BEAN1: variants seen among roughly 807,000 people sequenced by gnomAD.
BEAN1 encodes brain expressed associated with NEDD4 1, also known as protein BEAN1.
Under a neutral mutation model 17.7 loss-of-function variants are expected in BEAN1, and 17 were observed. The observed-to-expected ratio is 0.96, with a 90% confidence interval of 0.66 to 1.44. The LOEUF is 1.44. Among genes scored for constraint, BEAN1 ranks in the 40% most tolerant of loss-of-function variants. BEAN1 has a pLI of 0.00. For missense variants in BEAN1, 359 were observed against 374.1 expected, an observed-to-expected ratio of 0.96 and a Z score of 0.33; for synonymous variants, 142 against 151.8, an observed-to-expected ratio of 0.94 and a Z score of 0.47.
intron 2 of BEAN1, among the ~76,000 whole-genome samples, chr16:66,457,604 C>T (rs1256149258): frequency 6.6e-6 from 1 of 152,186 alleles, no homozygotes; most frequent in East Asian, 1.9e-4. Flanking sequence ...CCTCTGTGTT[C>T]CTGCCCATGC....
At chr16:66,486,453 C>G (rs1964090416), downstream of BEAN1, among the ~76,000 whole-genome samples, 1 of 152,146 alleles carries the variant, frequency 6.6e-6, no homozygotes, top group South Asian at 2.1e-4. Context: ...CGGGGTCTCA[C>G]CATGTTGGCC....
chr16:66,494,516 T>C (rs1238526054), downstream of BEAN1, among the ~76,000 whole-genome samples: 1 of 152,184 alleles, frequency 6.6e-6, no homozygotes, highest in African/African-American at 2.4e-5. Flanking sequence ...GTCCTCTTCA[T>C]GTCCCAGTTC....
chr16:66,431,931 C>T (rs759434775), intron 1 of BEAN1, among the ~76,000 whole-genome samples: 5 of 151,964 alleles, frequency 3.3e-5, no homozygotes, highest in Non-Finnish European at 5.9e-5. Flanking sequence ...CTCAGTCTCC[C>T]GAGTAGCTGG....
At chr16:66,495,191 C>G (rs1397342015), downstream of BEAN1, among the ~76,000 whole-genome samples, 1 of 152,156 alleles carries the variant, frequency 6.6e-6, no homozygotes, top group Admixed American at 6.5e-5. Flanking sequence ...CCTAAAACAG[C>G]CCCTACACAG....
In BEAN1 at chr16:66,469,814, C is replaced by T. The variant is rs1443273987; in HGVS notation, c.238C>T (p.His80Tyr). The change falls in exon 3 of 5, where the codon CAC (histidine) becomes TAC (tyrosine). Residue 80 changes from histidine to tyrosine, a missense_variant. Transcript: ENST00000536005. ...CCACCGCCACCACCGCCACCACCAC[C>T]ACCATCATCACCACCGCCGGCGTCG... Reference protein sequence around the residue: ...HRHRHHRHHHHHHHHRRRRHR... With the variant: ...HRHRHHRHHHYHHHHRRRRHR... The T allele has an allele frequency of 1.3e-6, 2 of 1,535,800 alleles. No individual in the cohort carries two copies. The highest frequency in any genetic ancestry group is 4.9e-5 in the East Asian group (2 of 40,904).
chr16:66,481,864 C>G lies in BEAN1; in HGVS notation c.*939C>G, dbSNP rs192445317. The G allele has an allele frequency of 6.6e-6, 1 of 152,482 alleles. No homozygotes were observed. Among genetic ancestry groups the G allele is most frequent in the African/African-American group, 2.4e-5 (1 of 41,462 alleles). 9.4% of individuals were successfully genotyped at this position (152,482 alleles called of 1,614,324 possible). On this transcript the variant is annotated 3_prime_UTR_variant, in exon 5 of 5. Coordinates refer to ENST00000536005, the MANE Select transcript of BEAN1 (RefSeq NM_001178020.3). This position sits in a 1 kb window ranked among gnomAD's most constrained non-coding sequence, Gnocchi z 4.1. ...GCCTGGCCGACCACTGTGGCCTGCA[C>G]GCGAATGGGTCAGAGCCAGACCCCG...
At chr16:66,428,176 C>G (rs753599611) in intron 1 of BEAN1, 1 of 152,620 alleles carries the variant, frequency 6.6e-6, no homozygotes, top group African/African-American at 2.4e-5. Context: ...GGGGCAGGGC[C>G]CACCCCACAC....
chr16:66,468,927 C>G (rs1219395543), intron 2 of BEAN1, among the ~76,000 whole-genome samples: 1 of 152,160 alleles, frequency 6.6e-6, no homozygotes, highest in African/African-American at 2.4e-5. Flanking sequence ...CTGCACTCTC[C>G]CCTTGCTCCC....
intron 2 of BEAN1, among the ~76,000 whole-genome samples, chr16:66,450,160 C>T (rs921399231): frequency 6.6e-5 from 10 of 152,152 alleles, no homozygotes; most frequent in African/African-American, 2.4e-4. Flanking sequence ...GTTTCTCCTG[C>T]AGTGGGGCTT....
chr16:66,467,362 C>T (rs138342964), intron 2 of BEAN1, among the ~76,000 whole-genome samples: 1 of 152,176 alleles, frequency 6.6e-6, no homozygotes, highest in East Asian at 1.9e-4. Context: ...CTGGAGAGGC[C>T]TCAAGAAACA....
intron 2 of BEAN1, among the ~76,000 whole-genome samples, chr16:66,454,729 C>CTTTTTTTTTTTT (rs538469751): frequency 4.7e-4 from 39 of 83,648 alleles, no homozygotes; most frequent in East Asian, 1.4e-3. Context: ...TTCTTTCTTT[C>CTTTTTTTTTTTT]TTTTTTTTTT....
intron 2 of BEAN1, among the ~76,000 whole-genome samples, chr16:66,441,323 A>G (rs971313919): frequency 5.9e-5 from 9 of 152,156 alleles, no homozygotes; most frequent in African/African-American, 2.2e-4. Flanking sequence ...AGACCCCCCA[A>G]AACAGACATA....
At chr16:66,494,471 C>G (rs568297753), downstream of BEAN1, among the ~76,000 whole-genome samples, 1 of 152,084 alleles carries the variant, frequency 6.6e-6, no homozygotes, top group East Asian at 1.9e-4. Context: ...CATCAGAGAC[C>G]GACCCAGAGA....
intron 2 of BEAN1, among the ~76,000 whole-genome samples, chr16:66,446,297 A>G (rs1183912657): frequency 1.3e-5 from 2 of 152,064 alleles, no homozygotes; most frequent in Non-Finnish European, 2.9e-5. Flanking sequence ...TGAAGGTGAA[A>G]CTGTTAGGAT....
intron 2 of BEAN1, among the ~76,000 whole-genome samples, chr16:66,438,717 C>G (rs929535496): frequency 6.6e-6 from 1 of 152,130 alleles, no homozygotes; most frequent in East Asian, 1.9e-4. Context: ...AGTCTCCACC[C>G]GCTTGACTCA....
chr16:66,455,270 C>G (rs1310828223), intron 2 of BEAN1, among the ~76,000 whole-genome samples: 1 of 152,208 alleles, frequency 6.6e-6, no homozygotes, highest in Non-Finnish European at 1.5e-5. Context: ...TAGAGCAATG[C>G]AAGTAACACC....
At chr16:66,431,790 C>A (rs1961815319) in intron 1 of BEAN1, among the ~76,000 whole-genome samples, 1 of 150,032 alleles carries the variant, frequency 6.7e-6, no homozygotes, top group South Asian at 2.1e-4. Flanking sequence ...GACTGAAAGT[C>A]TTTATGTTAT....
chr16:66,436,617 C>T (rs937147493), intron 1 of BEAN1, among the ~76,000 whole-genome samples: 1 of 151,288 alleles, frequency 6.6e-6, no homozygotes, highest in Non-Finnish European at 1.5e-5. Flanking sequence ...ACTCTGTCAC[C>T]CAAGCTGGAG....
Position 66,473,763 on chromosome 16 carries a change from A to C in BEAN1, c.290-3797A>C, listed in dbSNP as rs1251534528. ...AGAGGGAGGGGCAGTGTACCAGTGA[A>C]CCCCAACCTTTGGCACTGGGCCCCT... On this transcript the variant is annotated intron_variant, in intron 3 of 4. Transcript: ENST00000536005. The surrounding 1 kb of genome is among the most constrained non-coding windows in gnomAD (Gnocchi z 4.5). Among the ~76,000 whole-genome samples, 3 of 151,932 alleles carry C rather than the reference A, an allele frequency of 2.0e-5. No individual in the cohort carries two copies. Among genetic ancestry groups the C allele is most frequent in the African/African-American group, 7.3e-5 (3 of 41,340 alleles).
Sources: gnomAD v4.1 joint callset for allele counts (sites outside exome capture counted in the v4.1 genomes callset) on GRCh38, gnomAD v4.1.1 for gene constraint, Gnocchi (gnomAD v3.1) non-coding constraint, MANE v1.5 for transcripts, NCBI Gene and HGNC (gene_info 2026-07-23, HGNC 2026-07-21) for gene names.